Variants in PPIP5K1 observed in about 807,000 individuals in gnomAD.
PPIP5K1 encodes diphosphoinositol pentakisphosphate kinase 1.
Under a neutral mutation model 27.7 loss-of-function variants are expected in PPIP5K1, and 6 were observed. The ratio of observed to expected loss-of-function variants is 0.22; its 90% confidence interval spans 0.12 to 0.43. The LOEUF is 0.43. Ranked by LOEUF, PPIP5K1 falls within the 20% of genes least tolerant of loss-of-function variation. The pLI is 1.00. For synonymous variants in PPIP5K1, 145 were observed against 242.6 expected (o/e 0.60, Z 3.74); for missense variants, 394 against 635.4 (o/e 0.62, Z 4.08).
chr15:43,535,069 C>A lies in PPIP5K1; in HGVS notation c.4078G>T (p.Val1360Phe), dbSNP rs1250854841. The change falls in exon 32 of 32, where the codon GTC becomes TTC. Residue 1360 changes from valine (V) to phenylalanine (F), a missense_variant. Coordinates refer to ENST00000420765, the MANE Select transcript of PPIP5K1 (RefSeq NM_001394395.1). ...HDNGNHTCQE[V>F]PHISQPCQKS... is the part of the protein sequence containing the mutation. Reference sequence around the variant, plus strand: ...TGGCATGGCTGGCTGATGTGAGGGACCTCCTGGCATGTGTGGTTACCATTG... The same window carrying A: ...TGGCATGGCTGGCTGATGTGAGGGAACTCCTGGCATGTGTGGTTACCATTG... The A allele has an allele frequency of 3.7e-6, 6 of 1,614,058 alleles. No individual in the cohort carries two copies. The highest frequency in any genetic ancestry group is 5.1e-6 in the Non-Finnish European group (6 of 1,180,000).
chr15:43,552,579 G>A (rs1165576331), intron 30 of PPIP5K1, among the ~76,000 whole-genome samples: 1 of 150,890 alleles, frequency 6.6e-6, no homozygotes, highest in African/African-American at 2.4e-5. Context: ...AATTAGCTGG[G>A]TGTGGTGGTG....
chr15:43,556,699 C>A (rs1474843165), intron 30 of PPIP5K1, among the ~76,000 whole-genome samples: 1 of 152,166 alleles, frequency 6.6e-6, no homozygotes, highest in East Asian at 1.9e-4. Flanking sequence ...CTTCAAGTAG[C>A]CCACCAACAA....
At chr15:43,546,938 C>A (rs1002039425) in intron 30 of PPIP5K1, among the ~76,000 whole-genome samples, 1 of 152,196 alleles carries the variant, frequency 6.6e-6, no homozygotes, top group African/African-American at 2.4e-5. Flanking sequence ...GGATTACAGG[C>A]ATGAGCCACT....
chr15:43,579,631 GTATATA>G (rs1377430959), intron 10 of PPIP5K1, among the ~76,000 whole-genome samples: 6 of 35,716 alleles, frequency 1.7e-4, no homozygotes, highest in Non-Finnish European at 2.3e-4. Flanking sequence ...GTGTGTGTGT[GTATATA>G]TATATATATA....
chr15:43,552,882 A>T (rs573773364), intron 30 of PPIP5K1, among the ~76,000 whole-genome samples: 1 of 152,178 alleles, frequency 6.6e-6, no homozygotes, highest in African/African-American at 2.4e-5. Context: ...GTCGCTACTA[A>T]AAATACAAAA....
chr15:43,547,529 T>G (rs1203955764), intron 30 of PPIP5K1, among the ~76,000 whole-genome samples: 5 of 152,252 alleles, frequency 3.3e-5, no homozygotes, highest in African/African-American at 1.2e-4. Flanking sequence ...GTTAATATTT[T>G]CATATGATAT....
intron 31 of PPIP5K1, 41 bp from the exon 32 acceptor site, chr15:43,535,517 A>G: frequency 6.8e-7 from 1 of 1,460,218 alleles, no homozygotes; most frequent in South Asian, 1.3e-5. Flanking sequence ...AGAAGCTGGA[A>G]GAGTAGGCTC....
intron 30 of PPIP5K1, among the ~76,000 whole-genome samples, chr15:43,553,827 A>G (rs1706621548): frequency 6.6e-6 from 1 of 151,374 alleles, no homozygotes; most frequent in South Asian, 2.1e-4. Context: ...TTGTATTTTT[A>G]GTAGAGATGG....
intron 30 of PPIP5K1, among the ~76,000 whole-genome samples, chr15:43,549,048 AAAAAAAAAATATATATATATAT>A (rs1259491964): frequency 7.5e-5 from 6 of 79,834 alleles, no homozygotes; most frequent in African/African-American, 5.0e-4. Flanking sequence ...AAAAAAAAAA[AAAAAAAAAATATATATATATAT>A]ATATATATAT....
chr15:43,543,166 A>G (rs183680730), intron 30 of PPIP5K1, among the ~76,000 whole-genome samples: 45 of 150,224 alleles, frequency 3.0e-4, no homozygotes, highest in African/African-American at 1.1e-3. Flanking sequence ...CCAATGGTAA[A>G]TGGTCACAAT....
At chr15:43,545,014 T>C (rs574586256) in intron 30 of PPIP5K1, among the ~76,000 whole-genome samples, 36 of 151,404 alleles carry the variant, frequency 2.4e-4, no homozygotes, top group African/African-American at 8.2e-4. Context: ...CCGTCCCTAC[T>C]AAAAATACAA....
intron 29 of PPIP5K1, among the ~76,000 whole-genome samples, chr15:43,560,125 A>G (rs1595877268): frequency 6.6e-6 from 1 of 151,338 alleles, no homozygotes; most frequent in South Asian, 2.1e-4. Context: ...GGTTAGAGTG[A>G]TAAGAACAGA....
chr15:43,553,905 A>C (rs1444831407), intron 30 of PPIP5K1, among the ~76,000 whole-genome samples: 2 of 152,128 alleles, frequency 1.3e-5, no homozygotes, highest in Non-Finnish European at 2.9e-5. Flanking sequence ...TCAGCCTCCC[A>C]AAGTGCTGGG....
intron 29 of PPIP5K1, 46 bp downstream of exon 29, chr15:43,560,367 A>G: frequency 1.6e-6 from 2 of 1,243,870 alleles, no homozygotes; most frequent in East Asian, 5.6e-5. Context: ...AAGCAGTCAG[A>G]CCCAGCCAGG....
At chr15:43,544,634 A>G (rs1242976687) in intron 30 of PPIP5K1, among the ~76,000 whole-genome samples, 1 of 152,146 alleles carries the variant, frequency 6.6e-6, no homozygotes, top group Non-Finnish European at 1.5e-5. Context: ...GTCTCTACAA[A>G]AAATTTTAAA....
In PPIP5K1 at chr15:43,533,645, C is replaced by G. The variant is rs2079502439; in HGVS notation, c.*1029G>C. On this transcript the variant is annotated 3_prime_UTR_variant, in exon 32 of 32. Transcript: ENST00000420765. Reference sequence around the variant, plus strand: ...ATATAAGGACAAATTTCTTGGGGACCCTGCAGTGTTTGGTCTTTGGCCAGT... The same window carrying G: ...ATATAAGGACAAATTTCTTGGGGACGCTGCAGTGTTTGGTCTTTGGCCAGT... 6.6e-6 allele frequency: 1 copy of G among 152,378 alleles called. No individual in the cohort carries two copies. Among genetic ancestry groups the G allele is most frequent in the South Asian group, 2.1e-4 (1 of 4,822 alleles). The allele number at this position is 152,378 out of a possible 1,614,324, so 9.4% of individuals were successfully genotyped here.
At chr15:43,554,825 G>A (rs2082721741) in intron 30 of PPIP5K1, among the ~76,000 whole-genome samples, 1 of 151,652 alleles carries the variant, frequency 6.6e-6, no homozygotes, top group Non-Finnish European at 1.5e-5. Flanking sequence ...TATTGACATT[G>A]TTAGAGTAAA....
chr15:43,557,400 A>T (rs2141063543), intron 30 of PPIP5K1, among the ~76,000 whole-genome samples: 1 of 152,194 alleles, frequency 6.6e-6, no homozygotes, highest in East Asian at 1.9e-4. Context: ...GTCAGCTGAG[A>T]TCCTGCCACT....
At chr15:43,546,641 G>A (rs1343472807) in intron 30 of PPIP5K1, among the ~76,000 whole-genome samples, 1 of 142,378 alleles carries the variant, frequency 7.0e-6, no homozygotes, top group African/African-American at 2.7e-5. Flanking sequence ...ATTTGTTTGA[G>A]TACCTGTTTT....
Sources: allele counts gnomAD v4.1 joint callset (sites outside exome capture counted in the v4.1 genomes callset), GRCh38; gene constraint gnomAD v4.1.1; transcripts MANE v1.5; gene names NCBI Gene and HGNC (gene_info 2026-07-23, HGNC 2026-07-21).